CAPN13: variants seen among roughly 807,000 people sequenced by gnomAD.
CAPN13 encodes calpain 13.
A neutral mutation model predicts 98.4 loss-of-function variants in CAPN13; 90 were observed. The observed-to-expected ratio is 0.92, with a 90% CI of 0.77 to 1.09. The LOEUF is 1.09. Ranked by LOEUF, CAPN13 falls within the 50% of genes least tolerant of loss-of-function variation. The pLI, the probability that CAPN13 is intolerant of heterozygous loss-of-function variation, is 0.00. For missense variants in CAPN13, 887 were observed against 841.3 expected (o/e 1.05, Z -0.67); for synonymous variants, 330 against 305.5 (o/e 1.08, Z -0.84).
rs560573150 is a variant in CAPN13, at chr2:30,742,401, C to T, written c.1446-42G>A. On this transcript the variant is annotated intron_variant, in intron 13 of 22. Transcript: ENST00000295055. ...CAGTGTGACAAAGATGACCAGCTCA[C>T]CACTCAAAGGGGGCCTGCATATAGA... 10 of 1,589,468 alleles carry T rather than the reference C, an allele frequency of 6.3e-6. No individual in the cohort carries two copies. In the East Asian group the frequency reaches 1.8e-4, roughly 29 times the overall value.
chr2:30,759,737 G>A (rs1414985117), intron 7 of CAPN13, among the ~76,000 whole-genome samples: 1 of 152,230 alleles, frequency 6.6e-6, no homozygotes, highest in African/African-American at 2.4e-5. Context: ...CAGCCACGGT[G>A]AGTATCTAAA....
chr2:30,754,443 C>T (rs1672336868), intron 8 of CAPN13, 79 bp from the exon 9 acceptor site: 3 of 1,197,658 alleles, frequency 2.5e-6, no homozygotes, highest in African/African-American at 3.1e-5. Context: ...AACAGGGACC[C>T]TCTGTACATG....
intron 21 of CAPN13, 51 bp from the exon 22 acceptor site, chr2:30,730,837 A>G (rs1671046118): frequency 1.3e-6 from 1 of 780,130 alleles, no homozygotes; most frequent in African/African-American, 1.7e-5. Flanking sequence ...TGTTAGCTTA[A>G]TACAGAGCAG....
chr2:30,732,100 G>T (rs145752533), intron 20 of CAPN13, among the ~76,000 whole-genome samples: 288 of 152,330 alleles, frequency 1.9e-3, no homozygotes, highest in African/African-American at 6.5e-3. Context: ...TGAAATTCCT[G>T]CAGCAAAGAC....
At chr2:30,767,896 C>G (rs1024055976) in intron 5 of CAPN13, among the ~76,000 whole-genome samples, 1 of 152,116 alleles carries the variant, frequency 6.6e-6, no homozygotes, top group South Asian at 2.1e-4. Context: ...TAAAGATGTC[C>G]CCTGGCCAGG....
rs373320614 is a variant in CAPN13 at position 30,745,822 on chromosome 2, C to T, written c.1237-88G>A. The T allele has an allele frequency of 2.4e-3, 2,538 of 1,045,008 alleles. 67 individuals are homozygous for T. In the South Asian group the frequency reaches 0.033, roughly 14 times the overall value. 64.7% of individuals were successfully genotyped at this position (1,045,008 alleles called of 1,614,324 possible). On this transcript the variant is annotated intron_variant, in intron 11 of 22. Transcript: ENST00000295055. ...ACCGAACAGCTTGGCTCATTGGTTT[C>T]ATCCCTGCATTCCTTCTCCTTTTCT...
chr2:30,743,166 T>A (rs1161092370), intron 13 of CAPN13: 1 of 571,728 alleles, frequency 1.7e-6, no homozygotes, highest in East Asian at 2.9e-5. Flanking sequence ...TGCATTTCCA[T>A]CTGGCAATGG....
chr2:30,800,152 G>GAAAGA (rs1200851959), intron 1 of CAPN13, among the ~76,000 whole-genome samples: 57 of 148,968 alleles, frequency 3.8e-4, no homozygotes, highest in African/African-American at 1.4e-3. Context: ...AAGAAAGAAA[G>GAAAGA]AAAGAAAGAA....
rs1465290865 is a variant in CAPN13 at position 30,787,369 on chromosome 2, A to G, written c.-32-12T>C. On this transcript the variant is annotated splice_polypyrimidine_tract_variant and intron_variant, in intron 1 of 22. Coordinates refer to ENST00000295055, the MANE Select transcript of CAPN13 (RefSeq NM_144575.3). ...TCCGAGGTCCTTTCCTGTTGGTGAG[A>G]AAAAGGGATACCTTTGGGGTAAGCC... The G allele has an allele frequency of 2.6e-6, 4 of 1,555,728 alleles. No homozygotes were observed. In the Middle Eastern group the frequency reaches 6.9e-4, roughly 267 times the overall value.
intron 4 of CAPN13, among the ~76,000 whole-genome samples, chr2:30,774,141 A>T (rs971550228): frequency 6.6e-6 from 1 of 152,160 alleles, no homozygotes; most frequent in African/African-American, 2.4e-5. Flanking sequence ...TATCTTAAAA[A>T]TTAATAAAAG....
At chr2:30,803,733 A>G (rs934289916) in intron 1 of CAPN13, among the ~76,000 whole-genome samples, 2 of 152,130 alleles carry the variant, frequency 1.3e-5, no homozygotes, top group Admixed American at 1.3e-4. Context: ...ACCCTACAAC[A>G]TGTATTAACA....
In CAPN13 at chr2:30,743,325, A is replaced by G; in HGVS notation, c.1445+58T>C. 3.5e-6 allele frequency: 5 copies of G among 1,438,008 alleles called. No homozygotes were observed. In the Admixed American group the frequency reaches 5.0e-5, roughly 14 times the overall value. 89.1% of individuals were successfully genotyped at this position (1,438,008 alleles called of 1,614,324 possible). On this transcript the variant is annotated intron_variant, in intron 13 of 22. Transcript: ENST00000295055. ...ACAGAGAACTGCCCATAATTACACA[A>G]TGTGTTTTTATAAAGTTAAGTAGAA...
intron 7 of CAPN13, among the ~76,000 whole-genome samples, chr2:30,759,913 C>G (rs1390175084): frequency 1.3e-5 from 2 of 152,170 alleles, no homozygotes; most frequent in African/African-American, 4.8e-5. Context: ...GCCCAGGAGC[C>G]TGGCTCGGAT....
At chr2:30,737,966 G>GACACACACACAC (rs71831494) in intron 17 of CAPN13, 2 of 373,394 alleles carry the variant, frequency 5.4e-6, no homozygotes, top group East Asian at 4.9e-5. Flanking sequence ...GAATTATAAG[G>GACACACACACAC]ACACACACAC....
chr2:30,750,531 A>G (rs981231264), intron 11 of CAPN13, among the ~76,000 whole-genome samples: 10 of 152,162 alleles, frequency 6.6e-5, no homozygotes, highest in African/African-American at 2.4e-4. Flanking sequence ...GTAGCCAAGC[A>G]GAAGTTTGCA....
rs548224555 is a variant in CAPN13, at chr2:30,745,876, T to A, written c.1237-142A>T. ...TCTCTTTTAAAGAATTTATTTTATA[T>A]CTGTTATGCCATAAAGCATTTTTTT... is the stretch of plus-strand genomic sequence containing the variant. On this transcript the variant is annotated intron_variant, in intron 11 of 22. Coordinates refer to ENST00000295055, the MANE Select transcript of CAPN13 (RefSeq NM_144575.3). The A allele has an allele frequency of 1.2e-3, 739 of 631,066 alleles. 12 individuals carry two copies. Among genetic ancestry groups the A allele is most frequent in the South Asian group, 2.8e-3 (131 of 47,366 alleles). The allele number at this position is 631,066 out of a possible 1,614,324, so 39.1% of individuals were successfully genotyped here. A position where few individuals can be genotyped will look rare whatever the true frequency, so the allele number is the denominator to read the frequency against.
chr2:30,757,073 T>C lies in CAPN13; in HGVS notation c.866+973A>G, dbSNP rs78393251. ...TCCTCACTGTATTGATTTCACTGTG[T>C]GCTGGGCTCGTTCCTGTTCCAAATG... On this transcript the variant is annotated intron_variant, in intron 8 of 22. Transcript: ENST00000295055. Among the ~76,000 whole-genome samples, 1,399 of 152,324 alleles carry C rather than the reference T, an allele frequency of 9.2e-3. 23 individuals carry two copies. The highest frequency in any genetic ancestry group is 0.011 in the Non-Finnish European group (726 of 68,028).
intron 14 of CAPN13, 59 bp downstream of exon 14, chr2:30,742,267 C>G: frequency 5.8e-6 from 9 of 1,558,188 alleles, no homozygotes; most frequent in Non-Finnish European, 7.9e-6. Context: ...GAGACGGAAG[C>G]TCTTGGGGAT....
At chr2:30,758,252 G>A in intron 7 of CAPN13, 115 bp from the exon 8 acceptor site, 2 of 709,622 alleles carry the variant, frequency 2.8e-6, no homozygotes, top group Non-Finnish European at 4.5e-6. Flanking sequence ...GACCTCATTT[G>A]GCTGCAGCCA....
Sources: gnomAD v4.1 joint callset for allele counts (sites outside exome capture counted in the v4.1 genomes callset) on GRCh38, gnomAD v4.1.1 for gene constraint, MANE v1.5 for transcripts, NCBI Gene and HGNC (gene_info 2026-07-23, HGNC 2026-07-21) for gene names.